RCE1: variants seen among roughly 807,000 people sequenced by gnomAD.
RCE1 encodes the protein CAAX prenyl protease 2.
RCE1 carries 15 observed loss-of-function variants against 35.0 expected under a neutral mutation model. That is an observed-to-expected ratio of 0.43 (90% CI 0.29 to 0.66). RCE1 has a LOEUF of 0.66. Among genes scored for constraint, RCE1 ranks in the 30% least tolerant of loss-of-function variants. The pLI, the probability that RCE1 is intolerant of heterozygous loss-of-function variation, is 0.17. For missense variants in RCE1, 434 were observed against 433.0 expected (o/e 1.00, Z -0.02); for synonymous variants, 261 against 192.7 (o/e 1.35, Z -2.94).
At position 66,843,466 on chromosome 11, in the gene RCE1, T is replaced by A. The variant is rs1945132136; in HGVS notation, c.11T>A (p.Leu4Gln). Residue 4 changes from leucine to glutamine, a missense_variant, in exon 1 of 8, where the codon CTG (leucine) becomes CAG (glutamine). Coordinates refer to ENST00000309657, the MANE Select transcript of RCE1 (RefSeq NM_005133.3). ...GCGGGTCAGGGCGCAATGGCGGCGC[T>A]GGGCGGGGATGGGCTGCGACTGCTG... MAA[L>Q]GGDGLRLLSV... is the part of the protein sequence containing the mutation. 4 of 1,414,764 alleles carry A rather than the reference T, an allele frequency of 2.8e-6. No individual in the cohort carries two copies. The highest frequency in any genetic ancestry group is 3.6e-6 in the Non-Finnish European group (4 of 1,098,694). The allele number at this position is 1,414,764 out of a possible 1,614,324, so 87.6% of individuals were successfully genotyped here. A position where few individuals can be genotyped will look rare whatever the true frequency, so the allele number is the denominator to read the frequency against.
rs1565202837 is a variant in RCE1, at chr11:66,845,989, T to C, written c.884T>C (p.Phe295Ser). The C allele has an allele frequency of 1.9e-6, 3 of 1,613,930 alleles. No individual in the cohort carries two copies. Among genetic ancestry groups the C allele is most frequent in the Non-Finnish European group, 2.5e-6 (3 of 1,180,028 alleles). Residue 295 changes from phenylalanine to serine, a missense_variant, in exon 8 of 8, where the codon TTC (phenylalanine) becomes TCC (serine). Physicochemically the swap from Phe to Ser is radical, Grantham distance 155. Coordinates refer to ENST00000309657, the MANE Select transcript of RCE1 (RefSeq NM_005133.3). ...LAGYALGVGL[F>S]LLLLQPLTDP... ...GGCTATGCCCTGGGTGTGGGACTCT[T>C]CCTGCTTCTGCTCCAGCCCCTCACG...
chr11:66,844,746 C>G (rs2135770032), intron 4 of RCE1, 123 bp from the exon 5 acceptor site: 1 of 1,328,766 alleles, frequency 7.5e-7, no homozygotes, highest in South Asian at 1.6e-5. Flanking sequence ...CCGTCCTCAG[C>G]AGTATTGATG....
At chr11:66,845,420 C>T (rs544422394) in intron 6 of RCE1, 80 bp from the exon 7 acceptor site, 148 of 1,606,514 alleles carry the variant, frequency 9.2e-5, no homozygotes, top group Middle Eastern at 1.7e-4. Context: ...AGGGGATGGT[C>T]GGTCTTTGGC....
chr11:66,843,887 A>G (rs775240444), intron 2 of RCE1, 26 bp downstream of exon 2: 1 of 1,614,028 alleles, frequency 6.2e-7, no homozygotes, highest in South Asian at 1.1e-5. Context: ...GGCAAAGGGC[A>G]ACGGCGGTGA....
chr11:66,845,788 AG>A, intron 7 of RCE1, 71 bp from the exon 8 acceptor site: 1 of 1,552,646 alleles, frequency 6.4e-7, no homozygotes, highest in Non-Finnish European at 8.7e-7. Flanking sequence ...TCAGGGGATG[AG>A]GGTCACTAGC....
At chr11:66,845,641 A>G in intron 7 of RCE1, 79 bp downstream of exon 7, 2 of 1,603,156 alleles carry the variant, frequency 1.2e-6, no homozygotes, top group South Asian at 1.1e-5. Flanking sequence ...TGTTCTAGGA[A>G]CAAAAGTTCT....
Position 66,844,869 on chromosome 11 carries a change from C to T in RCE1, c.452C>T (p.Ala151Val), listed in dbSNP as rs766370063. ...DLADGLKVVL[A>V]PRSWARCLTD... The stretch of plus-strand genomic sequence containing the variant: ...AGCTTGTCCTGAATTCCCTCTGCAG[C>T]CCCCCGCTCCTGGGCCCGCTGCCTC... The change falls in exon 5 of 8, where the codon GCC (alanine) becomes GTC (valine). Residue 151 changes from alanine (A) to valine (V), a missense_variant and splice_region_variant. By Grantham distance (64) the Ala-to-Val change is moderately conservative. Coordinates refer to ENST00000309657, the MANE Select transcript of RCE1 (RefSeq NM_005133.3). The T allele has an allele frequency of 4.6e-6, 7 of 1,526,832 alleles. No individual in the cohort carries two copies. The highest frequency in any genetic ancestry group is 1.3e-5 in the South Asian group (1 of 76,298). 94.6% of individuals were successfully genotyped at this position (1,526,832 alleles called of 1,614,324 possible). A position where few individuals can be genotyped will look rare whatever the true frequency, so the allele number is the denominator to read the frequency against.
In RCE1 at chr11:66,843,724, CCGCGGGCCCCCTGAACTTA is replaced by C; in HGVS notation, c.186-33_186-15del. 1 of 1,608,514 alleles carries C rather than the reference CCGCGGGCCCCCTGAACTTA, an allele frequency of 6.2e-7. No homozygotes were observed. The highest frequency in any genetic ancestry group is 8.5e-7 in the Non-Finnish European group (1 of 1,177,918). On this transcript the variant is annotated splice_polypyrimidine_tract_variant and intron_variant, in intron 1 of 7. Coordinates refer to ENST00000309657, the MANE Select transcript of RCE1 (RefSeq NM_005133.3). ...GGGGCGGGTCCGTGCTCATGGGCAGCCGCGGGCCCCCTGAACTTACTGTCCCCTCCGTAGGGACCATCCC... is the reference window on the plus strand; with the variant it reads ...GGGGCGGGTCCGTGCTCATGGGCAGCCTGTCCCCTCCGTAGGGACCATCCC...
At position 66,843,490 on chromosome 11, in the gene RCE1, T is replaced by C. The variant is rs751394695; in HGVS notation, c.35T>C (p.Leu12Pro). 2 of 1,479,168 alleles carry C rather than the reference T, an allele frequency of 1.4e-6. No homozygotes were observed. The highest frequency in any genetic ancestry group is 1.3e-5 in the South Asian group (1 of 78,030). The allele number at this position is 1,479,168 out of a possible 1,614,324, so 91.6% of individuals were successfully genotyped here. ...CTGGGCGGGGATGGGCTGCGACTGC[T>C]GTCGGTGTCGCGGCCGGAGCGGCCG... ...AALGGDGLRL[L>P]SVSRPERPPE... The change falls in exon 1 of 8, where the codon CTG (leucine) becomes CCG (proline). Residue 12 changes from leucine to proline, a missense_variant. Physicochemically the swap from Leu to Pro is moderately conservative, Grantham distance 98. Transcript: ENST00000309657.
chr11:66,844,795 G>C (rs117419973), intron 4 of RCE1, 74 bp from the exon 5 acceptor site: 26,179 of 1,467,644 alleles, frequency 0.018, 255 homozygotes, highest in Non-Finnish European at 0.021. Flanking sequence ...TGTGGGAGAG[G>C]AGCCCTTGGA....
Position 66,845,849 on chromosome 11 carries a change from CTT to C in RCE1, c.755-8_755-7del, listed in dbSNP as rs780052985. The stretch of plus-strand genomic sequence containing the variant: ...AGGGCTGCTCCCTGAGCTGCTGTCT[CTT>C]TTCCCCAGGACACCTGATTGGGCCG... On this transcript the variant is annotated splice_polypyrimidine_tract_variant and intron_variant, in intron 7 of 7. Transcript: ENST00000309657. The C allele has an allele frequency of 7.4e-6, 12 of 1,611,284 alleles. No individual in the cohort carries two copies. The highest frequency in any genetic ancestry group is 4.5e-5 in the East Asian group (2 of 44,882).
At chr11:66,845,350 G>A (rs1354630292) in intron 6 of RCE1, 113 bp downstream of exon 6, 7 of 1,581,652 alleles carry the variant, frequency 4.4e-6, no homozygotes, top group Middle Eastern at 1.7e-4. Context: ...CACTGACCGT[G>A]GGAAGTTGGG....
chr11:66,844,485 C>A, intron 4 of RCE1, 121 bp downstream of exon 4: 1 of 1,355,132 alleles, frequency 7.4e-7, no homozygotes, highest in Non-Finnish European at 1.0e-6. Context: ...GGTGTGTTTT[C>A]TCATCAGTAA....
intron 5 of RCE1, 37 bp downstream of exon 5, chr11:66,845,073 C>T (rs1809655927): frequency 1.9e-6 from 3 of 1,608,092 alleles, no homozygotes; most frequent in African/African-American, 1.3e-5. Context: ...GTGTTTTCAG[C>T]ATGAGAGCTC....
intron 4 of RCE1, 74 bp downstream of exon 4, chr11:66,844,438 A>G: frequency 6.4e-7 from 1 of 1,572,622 alleles, no homozygotes; most frequent in Non-Finnish European, 8.7e-7. Context: ...CAGCGGGCTC[A>G]GGGTGTGATC....
chr11:66,844,556 T>A, intron 4 of RCE1, 192 bp downstream of exon 4: 1 of 775,706 alleles, frequency 1.3e-6, no homozygotes, highest in African/African-American at 1.7e-5. Context: ...AGGAGTTCCC[T>A]GGGAACCCCC....
In RCE1 at chr11:66,846,373, C is replaced by G; in HGVS notation, c.*278C>G. The G allele has an allele frequency of 2.7e-6, 1 of 371,054 alleles. No individual in the cohort carries two copies. The allele number at this position is 371,054 out of a possible 1,614,324, so 23.0% of individuals were successfully genotyped here. A position where few individuals can be genotyped will look rare whatever the true frequency, so the allele number is the denominator to read the frequency against. On this transcript the variant is annotated 3_prime_UTR_variant, in exon 8 of 8. Transcript: ENST00000309657. ...CTCCCTTCCTCACTTTGGACTGCTG[C>G]TTCTCTTAGCTCCTCTGCCTCTGAA...
At chr11:66,845,327 G>A in intron 6 of RCE1, 90 bp downstream of exon 6, 2 of 1,596,028 alleles carry the variant, frequency 1.3e-6, no homozygotes, top group Non-Finnish European at 1.7e-6. Context: ...GAGGGCCACA[G>A]TATTGGAGAG....
At chr11:66,845,435 G>A (rs1011589985) in intron 6 of RCE1, 65 bp from the exon 7 acceptor site, 2 of 1,612,262 alleles carry the variant, frequency 1.2e-6, no homozygotes, top group Non-Finnish European at 1.7e-6. Context: ...TTTGGCTGAT[G>A]GGTATGTAGT....
Sources: allele counts gnomAD v4.1 joint callset, GRCh38; gene constraint gnomAD v4.1.1; transcripts MANE v1.5; gene names NCBI Gene and HGNC (gene_info 2026-07-23, HGNC 2026-07-21).